Variants in PRR12 observed in about 807,000 individuals in gnomAD.
PRR12 encodes proline rich 12.
A neutral mutation model predicts 138.0 loss-of-function variants in PRR12; 12 were observed. That is an observed-to-expected ratio of 0.09 (90% CI 0.06 to 0.14). PRR12 has a LOEUF of 0.14. Ranked by LOEUF, PRR12 falls within the 10% of genes least tolerant of loss-of-function variation. The probability of loss-of-function intolerance (pLI) is 1.00; values close to 1 mark genes in which losing one functional copy is unlikely to be tolerated. For synonymous variants in PRR12, 1,567 were observed against 1,291.7 expected, an observed-to-expected ratio of 1.21 and a Z score of -4.57; for missense variants, 2,692 against 2,861.3, an observed-to-expected ratio of 0.94 and a Z score of 1.35.
rs369193620 is a variant in PRR12 at position 49,607,360 on chromosome 19, T to TGC, written c.4773+5443_4773+5444dup. Among the ~76,000 whole-genome samples, 866 of 136,364 alleles carry TGC rather than the reference T, an allele frequency of 6.4e-3. 8 individuals carry two copies. The highest frequency in any genetic ancestry group is 0.023 in the African/African-American group (819 of 36,056). 89.5% of individuals were successfully genotyped at this position (136,364 alleles called of 152,430 possible). A position where few individuals can be genotyped will look rare whatever the true frequency, so the allele number is the denominator to read the frequency against. On this transcript the variant is annotated intron_variant, in intron 6 of 13. Coordinates refer to ENST00000418929, the MANE Select transcript of PRR12 (RefSeq NM_020719.3). ...AGAGTGAGCCTCTGTCATGTACGTG[T>TGC]GCACACACACACACACACACAGAGT...
chr19:49,602,772 G>A (rs10413099), intron 6 of PRR12, among the ~76,000 whole-genome samples: 6,067 of 152,226 alleles, frequency 0.04, 144 homozygotes, highest in South Asian at 0.12. Context: ...GGCTGGTCTC[G>A]AACTCCTGAC....
intron 9 of PRR12, among the ~76,000 whole-genome samples, chr19:49,617,954 C>T (rs113414650): frequency 0.046 from 6,966 of 151,770 alleles, 206 homozygotes; most frequent in South Asian, 0.12. Flanking sequence ...AAAAATTAGC[C>T]GGGTGTGGTG....
rs747008513 is a variant in PRR12 at position 49,599,933 on chromosome 19, C to T, written c.4340C>T (p.Thr1447Ile). ...PGLPSANSNG[T>I]PEPPLLEEKP... The stretch of plus-strand genomic sequence containing the variant: ...CTCCCCAGTGCCAACAGCAATGGCA[C>T]TCCCGGTGAGCTCTGGGCAGGTGGT... Residue 1447 changes from threonine (T) to isoleucine (I), a missense_variant, in exon 5 of 14, where the codon ACT (threonine) becomes ATT (isoleucine). By Grantham distance (89) the Thr-to-Ile change is moderately conservative. Around this residue, in one of 11 missense-constraint regions of PRR12, gnomAD observed 231 missense variants for 200.8 expected, o/e 1.15. Transcript: ENST00000418929. The surrounding 1 kb of genome is among the most constrained non-coding windows in gnomAD (Gnocchi z 5.0). The T allele has an allele frequency of 1.3e-6, 2 of 1,599,394 alleles. No individual in the cohort carries two copies. The highest frequency in any genetic ancestry group is 4.5e-5 in the East Asian group (2 of 44,678).
Position 49,594,414 on chromosome 19 carries a change from C to T in PRR12, c.200-40C>T. 2 of 1,510,270 alleles carry T rather than the reference C, an allele frequency of 1.3e-6. No individual in the cohort carries two copies. Among genetic ancestry groups the T allele is most frequent in the Non-Finnish European group, 1.8e-6 (2 of 1,124,404 alleles). 93.6% of individuals were successfully genotyped at this position (1,510,270 alleles called of 1,614,324 possible). A position where few individuals can be genotyped will look rare whatever the true frequency, so the allele number is the denominator to read the frequency against. On this transcript the variant is annotated intron_variant, in intron 2 of 13. Coordinates refer to ENST00000418929, the MANE Select transcript of PRR12 (RefSeq NM_020719.3). The surrounding 1 kb of genome is among the most constrained non-coding windows in gnomAD (Gnocchi z 5.6). ...CTTTCTCTCTTGACTGTATCCTACC[C>T]ACCCCCACCTGGCTGACTATAACCC...
At chr19:49,622,583 CTG>C (rs1405056719) in intron 11 of PRR12, among the ~76,000 whole-genome samples, 3 of 129,406 alleles carry the variant, frequency 2.3e-5, no homozygotes, top group African/African-American at 1.0e-4. Context: ...CAGAGCAAGA[CTG>C]TCTCCAAAAA....
rs1274731542 is a variant in PRR12 at position 49,599,359 on chromosome 19, T to G, written c.3766T>G (p.Ser1256Ala). Residue 1256 changes from serine to alanine, a missense_variant, in exon 5 of 14, where the codon TCG becomes GCG. This residue lies in a region of PRR12 where 326 missense variants were observed against 344.2 expected (regional missense o/e 0.95). Coordinates refer to ENST00000418929, the MANE Select transcript of PRR12 (RefSeq NM_020719.3). The surrounding 1 kb of genome is among the most constrained non-coding windows in gnomAD (Gnocchi z 5.0). ...AGGCACTGACCACAACAGCCTGGACTCGAGCCTGACTCGGGAGAAGATCGA... is the reference window on the plus strand; with the variant it reads ...AGGCACTGACCACAACAGCCTGGACGCGAGCCTGACTCGGGAGAAGATCGA... Reference protein sequence around the residue: ...ISGTDHNSLDSSLTREKIEAK... With the variant: ...ISGTDHNSLDASLTREKIEAK... The G allele has an allele frequency of 1.2e-6, 2 of 1,613,246 alleles. No homozygotes were observed. Among genetic ancestry groups the G allele is most frequent in the East Asian group, 2.2e-5 (1 of 44,878 alleles).
chr19:49,600,409 T>G (rs2080803549), intron 5 of PRR12, among the ~76,000 whole-genome samples: 1 of 146,814 alleles, frequency 6.8e-6, no homozygotes, highest in Non-Finnish European at 1.5e-5. Context: ...GTTTAAGGAG[T>G]GTAATGTCAG....
At chr19:49,610,511 G>A (rs2080860333) in intron 6 of PRR12, among the ~76,000 whole-genome samples, 1 of 151,426 alleles carries the variant, frequency 6.6e-6, no homozygotes, top group South Asian at 2.1e-4. Flanking sequence ...GCACGAACCT[G>A]GGAGTTGGGC....
At chr19:49,610,794 T>G (rs991847493) in intron 6 of PRR12, among the ~76,000 whole-genome samples, 1 of 151,248 alleles carries the variant, frequency 6.6e-6, no homozygotes. Context: ...CCGCCCGCCT[T>G]GGCCTCCCAA....
rs60199730 is a variant in PRR12 at position 49,622,760 on chromosome 19, C to T, written c.5721+1138C>T. Reference sequence around the variant, plus strand: ...CAAAAAAATTAGCTGGGCGTGGTGGCGGGCGCCTGTAGTCCCAGCTACTCA... The same window carrying T: ...CAAAAAAATTAGCTGGGCGTGGTGGTGGGCGCCTGTAGTCCCAGCTACTCA... On this transcript the variant is annotated intron_variant, in intron 11 of 13. Coordinates refer to ENST00000418929, the MANE Select transcript of PRR12 (RefSeq NM_020719.3). Among the ~76,000 whole-genome samples, 637 of 144,272 alleles carry T rather than the reference C, an allele frequency of 4.4e-3. 4 individuals are homozygous for T. Among genetic ancestry groups the T allele is most frequent in the African/African-American group, 0.016 (618 of 38,478 alleles). The allele number at this position is 144,272 out of a possible 152,430, so 94.6% of individuals were successfully genotyped here. A position where few individuals can be genotyped will look rare whatever the true frequency, so the allele number is the denominator to read the frequency against.
rs1397067657 is a variant in PRR12 at position 49,593,343 on chromosome 19, T to C, written c.103T>C (p.Ser35Pro). The part of the protein sequence containing the change: ...SAKASLVYGS[S>P]RTSHPETDIL... The stretch of plus-strand genomic sequence containing the variant: ...TCCCCCCAGCTTGGTTTATGGCAGC[T>C]CCAGGACCTCGCACCCCGAGACGGA... The change falls in exon 2 of 14, where the codon TCC (serine) becomes CCC (proline). Residue 35 changes from serine to proline, a missense_variant. Physicochemically the swap from Ser to Pro is moderately conservative, Grantham distance 74. This residue lies in a region of PRR12 where 211 missense variants were observed against 266.3 expected (regional missense o/e 0.79). Transcript: ENST00000418929. 3.8e-6 allele frequency: 6 copies of C among 1,599,314 alleles called. No individual in the cohort carries two copies. In the South Asian group the frequency reaches 4.4e-5, roughly 12 times the overall value.
intron 6 of PRR12, among the ~76,000 whole-genome samples, chr19:49,603,728 T>C (rs1411664382): frequency 6.6e-6 from 1 of 152,142 alleles, no homozygotes; most frequent in Non-Finnish European, 1.5e-5. Flanking sequence ...AATTTAGTCC[T>C]GGATGTTGTT....
Position 49,596,808 on chromosome 19 carries a change from G to A in PRR12, c.2473G>A (p.Glu825Lys). 6.3e-7 allele frequency: 1 copy of A among 1,599,384 alleles called. No individual in the cohort carries two copies. The highest frequency in any genetic ancestry group is 8.5e-7 in the Non-Finnish European group (1 of 1,179,022). ...CTCCAAAGTCGGCGTCCACCTCCTT[G>A]AGCCAGCCACCCGCGATGGGGCACC... ...SASKVGVHLL[E>K]PATRDGAPQP... The change falls in exon 4 of 14, where the codon GAG becomes AAG. Residue 825 changes from glutamate to lysine, a missense_variant. Glu to Lys is a moderately conservative substitution (Grantham distance 56). Transcript: ENST00000418929. The surrounding 1 kb of genome is among the most constrained non-coding windows in gnomAD (Gnocchi z 5.6).
In PRR12 at chr19:49,616,563, A is replaced by G. The variant is rs1371513161; in HGVS notation, c.5497+344A>G. On this transcript the variant is annotated intron_variant, in intron 9 of 13. Coordinates refer to ENST00000418929, the MANE Select transcript of PRR12 (RefSeq NM_020719.3). This position sits in a 1 kb window ranked among gnomAD's most constrained non-coding sequence, Gnocchi z 4.2. ...CAGGGTGCCTCGGACTCTGTTCTTC[A>G]GTGCTGCGTTCTGCCTCATAATAGG... 1.3e-5 allele frequency among the ~76,000 whole-genome samples: 2 copies of G among 152,150 alleles called. No individual in the cohort carries two copies. Among genetic ancestry groups the G allele is most frequent in the African/African-American group, 4.8e-5 (2 of 41,426 alleles).
chr19:49,595,943 C>G lies in PRR12; in HGVS notation c.1608C>G (p.Gly536=), dbSNP rs368158125. The change falls in exon 4 of 14, where the codon GGC becomes GGG. Residue 536 remains glycine, a synonymous_variant. Coordinates refer to ENST00000418929, the MANE Select transcript of PRR12 (RefSeq NM_020719.3). ...TASPSLSYST[G]HSPALSGHGG... ...GCCCCTCGCTCAGCTACAGTACCGG[C>G]CATTCCCCAGCGCTCTCGGGCCATG... 424 of 1,601,304 alleles carry G rather than the reference C, an allele frequency of 2.6e-4. 2 individuals are homozygous for G. The African/African-American group carries it at 5.2e-3, about 20-fold the overall frequency.
At chr19:49,623,610 C>G (rs944887415) in intron 11 of PRR12, among the ~76,000 whole-genome samples, 3 of 145,230 alleles carry the variant, frequency 2.1e-5, no homozygotes, top group African/African-American at 7.7e-5. Context: ...CCAGCCTGGG[C>G]GACAGAGCGA....
intron 6 of PRR12, among the ~76,000 whole-genome samples, chr19:49,610,143 T>G (rs968638666): frequency 3.3e-5 from 5 of 151,774 alleles, no homozygotes; most frequent in Admixed American, 2.6e-4. Flanking sequence ...CCTGGCTAAT[T>G]TTTGTATTTT....
chr19:49,619,607 T>C (rs2080911032), intron 9 of PRR12, among the ~76,000 whole-genome samples: 1 of 140,650 alleles, frequency 7.1e-6, no homozygotes. Flanking sequence ...AATTGTGCGA[T>C]CTCGGCTCAC....
intron 11 of PRR12, 28 bp from the exon 12 acceptor site, chr19:49,624,814 GCA>G: frequency 6.2e-7 from 1 of 1,603,654 alleles, no homozygotes; most frequent in South Asian, 1.1e-5. Flanking sequence ...ATCCAGGGCA[GCA>G]TCCAGCTGAC....
Sources: gnomAD v4.1 joint callset for allele counts (sites outside exome capture counted in the v4.1 genomes callset) on GRCh38, gnomAD v4.1.1 for gene constraint, gnomAD v4.1.1 regional missense constraint, Gnocchi (gnomAD v3.1) non-coding constraint, MANE v1.5 for transcripts, NCBI Gene and HGNC (gene_info 2026-07-23, HGNC 2026-07-21) for gene names.